Variants in KCNN2 observed in about 807,000 individuals in gnomAD.
KCNN2 encodes the protein small conductance calcium-activated potassium channel protein 2.
In KCNN2, 24 loss-of-function variants were observed where a neutral mutation model predicts 55.5. The ratio of observed to expected loss-of-function variants is 0.43; its 90% CI spans 0.31 to 0.61. KCNN2 has a LOEUF of 0.61. Among genes scored for constraint, KCNN2 ranks in the 20% least tolerant of loss-of-function variants. KCNN2 has a pLI of 0.08. For missense variants in KCNN2, 754 were observed against 853.6 expected, an observed-to-expected ratio of 0.88 and a Z score of 1.45; for synonymous variants, 431 against 336.1, an observed-to-expected ratio of 1.28 and a Z score of -3.09.
intron 2 of KCNN2, among the ~76,000 whole-genome samples, chr5:114,267,295 C>A (rs1483091374): frequency 6.6e-6 from 1 of 152,072 alleles, no homozygotes. Flanking sequence ...GCGCCCGGCC[C>A]CACCTCTTTC....
chr5:114,257,520 A>G (rs573435413), intron 2 of KCNN2, among the ~76,000 whole-genome samples: 3 of 152,022 alleles, frequency 2.0e-5, no homozygotes, highest in Admixed American at 1.3e-4. Context: ...TGTATTATCT[A>G]TATGTCTTTC....
chr5:114,366,700 C>T lies in KCNN2; in HGVS notation c.1218+2699C>T, dbSNP rs1757612462. Among the ~76,000 whole-genome samples the T allele has an allele frequency of 2.6e-5, 4 of 152,088 alleles. No individual in the cohort carries two copies. In the South Asian group the frequency reaches 8.3e-4, roughly 32 times the overall value. On this transcript the variant is annotated intron_variant, in intron 2 of 7. Transcript: ENST00000673685. ...ATATGCATGGAAAATGATGAATTGC[C>T]CCCCGCCCTCCTTTTTTACTTATTG...
At chr5:114,466,282 A>G (rs10519386) in intron 4 of KCNN2, among the ~76,000 whole-genome samples, 7,060 of 152,136 alleles carry the variant, frequency 0.046, 211 homozygotes, top group South Asian at 0.077. Flanking sequence ...ACTATTGTAA[A>G]GGTCATGATA....
At chr5:114,161,297 A>G (rs981478454) in intron 1 of KCNN2, among the ~76,000 whole-genome samples, 2 of 151,476 alleles carry the variant, frequency 1.3e-5, no homozygotes, top group African/African-American at 4.9e-5. Flanking sequence ...CTGGGTTGAA[A>G]ATTCTTTTCT....
chr5:114,159,059 A>G (rs542201917), intron 1 of KCNN2, among the ~76,000 whole-genome samples: 1 of 152,290 alleles, frequency 6.6e-6, no homozygotes, highest in South Asian at 2.1e-4. Flanking sequence ...GAGTGGTGAG[A>G]GAGGGCATCC....
chr5:114,377,243 T>G (rs1232983012), intron 2 of KCNN2, among the ~76,000 whole-genome samples: 1 of 152,230 alleles, frequency 6.6e-6, no homozygotes, highest in East Asian at 1.9e-4. Context: ...TGTTTTCATT[T>G]AGGAATATTC....
intron 1 of KCNN2, among the ~76,000 whole-genome samples, chr5:114,091,208 G>T (rs1306796478): frequency 6.6e-6 from 1 of 151,998 alleles, no homozygotes; most frequent in Non-Finnish European, 1.5e-5. Context: ...TTTTCCCCTG[G>T]TGGTCAGTCA....
chr5:114,182,899 T>C (rs924031531), intron 1 of KCNN2, among the ~76,000 whole-genome samples: 2 of 152,220 alleles, frequency 1.3e-5, no homozygotes, highest in Non-Finnish European at 2.9e-5. Context: ...TTCAGCACAA[T>C]GTTGAATAGA....
intron 1 of KCNN2, among the ~76,000 whole-genome samples, chr5:114,107,195 G>A (rs192563588): frequency 2.6e-4 from 40 of 152,078 alleles, no homozygotes; most frequent in Admixed American, 2.6e-3. Context: ...TGTAAAGTAG[G>A]TAATCATACA....
chr5:114,464,751 A>C (rs1412060855), intron 4 of KCNN2, among the ~76,000 whole-genome samples: 1 of 152,164 alleles, frequency 6.6e-6, no homozygotes, highest in Non-Finnish European at 1.5e-5. Flanking sequence ...GTTTGGGGGC[A>C]TAATTTAACA....
At chr5:114,111,966 T>A (rs1372322040) in intron 1 of KCNN2, among the ~76,000 whole-genome samples, 1 of 152,164 alleles carries the variant, frequency 6.6e-6, no homozygotes. Flanking sequence ...GACCCAGCCA[T>A]CCCATTACTG....
intron 2 of KCNN2, among the ~76,000 whole-genome samples, chr5:114,324,908 G>A (rs1057218653): frequency 6.6e-6 from 1 of 152,170 alleles, no homozygotes; most frequent in Non-Finnish European, 1.5e-5. Context: ...ACAGGGTAAA[G>A]AAAACATAAA....
intron 1 of KCNN2, among the ~76,000 whole-genome samples, chr5:114,187,812 T>C (rs558611686): frequency 1.1e-3 from 158 of 145,770 alleles, no homozygotes; most frequent in African/African-American, 3.8e-3. Flanking sequence ...GGCCCCCTTT[T>C]TTTTCTTTTT....
intron 1 of KCNN2, among the ~76,000 whole-genome samples, chr5:114,217,617 T>G (rs1421345600): frequency 1.3e-5 from 2 of 152,140 alleles, no homozygotes; most frequent in African/African-American, 4.8e-5. Flanking sequence ...ATGAATCACC[T>G]GTCTAAATGT....
At chr5:114,361,508 C>T (rs899084968), upstream of KCNN2, among the ~76,000 whole-genome samples, 1 of 152,230 alleles carries the variant, frequency 6.6e-6, no homozygotes, top group African/African-American at 2.4e-5. Flanking sequence ...CCCGCAGTTA[C>T]TTGGCGGGCA....
chr5:114,494,404 G>A lies in KCNN2; in HGVS notation c.2088+932G>A, dbSNP rs535434406. On this transcript the variant is annotated intron_variant, in intron 7 of 7. Coordinates refer to ENST00000673685, the MANE Select transcript of KCNN2 (RefSeq NM_021614.4). The stretch of plus-strand genomic sequence containing the variant: ...TGTATAGCAGTAACACATACTAGAT[G>A]TTGAAGACAGTAAGTATTTAATGAC... Among the ~76,000 whole-genome samples the A allele has an allele frequency of 3.3e-5, 5 of 150,110 alleles. No homozygotes were observed. In the Admixed American group the frequency reaches 3.4e-4, roughly 10 times the overall value.
chr5:114,264,898 G>C (rs1028309596), intron 2 of KCNN2, among the ~76,000 whole-genome samples: 1 of 152,194 alleles, frequency 6.6e-6, no homozygotes, highest in Non-Finnish European at 1.5e-5. Context: ...TGCCCTCAGG[G>C]ATATAAGCAT....
At chr5:114,285,281 T>G (rs1192175369) in intron 2 of KCNN2, among the ~76,000 whole-genome samples, 3 of 41,334 alleles carry the variant, frequency 7.3e-5, no homozygotes, top group Non-Finnish European at 1.2e-4. Flanking sequence ...AGACTCCATC[T>G]CCAAAAAAAA....
Position 114,404,783 on chromosome 5 carries a change from C to T in KCNN2, c.1564C>T (p.Pro522Ser), listed in dbSNP as rs1451350965. The change falls in exon 3 of 8, where the codon CCA becomes TCA. Residue 522 changes from proline to serine, a missense_variant. Physicochemically the swap from Pro to Ser is moderately conservative, Grantham distance 74. This residue lies in a region of KCNN2 where 86 missense variants were observed against 233.0 expected (regional missense o/e 0.37). Transcript: ENST00000673685. ...TATGAAGACTTTAATGACTATATGC[C>T]CAGGAACTGTACTCTTGGTTTTTAG... is the stretch of plus-strand genomic sequence containing the variant. The part of the protein sequence containing the change: ...FVMKTLMTIC[P>S]GTVLLVFSIS... 6.2e-7 allele frequency: 1 copy of T among 1,613,700 alleles called. No homozygotes were observed.
Sources: allele counts gnomAD v4.1 joint callset (sites outside exome capture counted in the v4.1 genomes callset), GRCh38; gene constraint gnomAD v4.1.1; regional missense constraint gnomAD v4.1.1; transcripts MANE v1.5; gene names NCBI Gene and HGNC (gene_info 2026-07-23, HGNC 2026-07-21).